The following CNTNAP2 variants were observed in gnomAD, a reference collection of about 807,000 sequenced individuals.
CNTNAP2 encodes the protein contactin-associated protein-like 2.
CNTNAP2 carries 98 observed loss-of-function variants against 155.2 expected under a neutral mutation model. That is an observed-to-expected ratio of 0.63 (90% CI 0.54 to 0.75). The LOEUF (loss-of-function observed/expected upper bound fraction) is 0.75. Among genes scored for constraint, CNTNAP2 ranks in the 30% least tolerant of loss-of-function variants. The pLI, the probability that CNTNAP2 is intolerant of heterozygous loss-of-function variation, is 0.00. For synonymous variants in CNTNAP2, 651 were observed against 631.2 expected (o/e 1.03, Z -0.47); for missense variants, 1,727 against 1,688.1 (o/e 1.02, Z -0.40).
At chr7:147,116,706 C>T (rs937099413) in intron 5 of CNTNAP2, among the ~76,000 whole-genome samples, 1 of 151,470 alleles carries the variant, frequency 6.6e-6, no homozygotes, top group Non-Finnish European at 1.5e-5. Context: ...GGTGACCCTC[C>T]CCTCCCTTGG....
chr7:147,449,470 C>G (rs573823176), intron 10 of CNTNAP2, among the ~76,000 whole-genome samples: 5 of 151,938 alleles, frequency 3.3e-5, no homozygotes, highest in East Asian at 3.9e-4. Context: ...CCTGGCAAGA[C>G]GGAGCTGATC....
chr7:147,383,551 A>G (rs1433979484), intron 9 of CNTNAP2, among the ~76,000 whole-genome samples: 1 of 152,140 alleles, frequency 6.6e-6, no homozygotes, highest in Non-Finnish European at 1.5e-5. Flanking sequence ...GTTCTCACTC[A>G]TAAGTGGGAG....
chr7:148,217,199 T>C lies in CNTNAP2; in HGVS notation c.3011-89T>C, dbSNP rs1217375364. 4 of 1,282,610 alleles carry C rather than the reference T, an allele frequency of 3.1e-6. No individual in the cohort carries two copies. In the African/African-American group the frequency reaches 4.4e-5, roughly 14 times the overall value. 79.5% of individuals were successfully genotyped at this position (1,282,610 alleles called of 1,614,324 possible). On this transcript the variant is annotated intron_variant, in intron 18 of 23. Coordinates refer to ENST00000361727, the MANE Select transcript of CNTNAP2 (RefSeq NM_014141.6). The stretch of plus-strand genomic sequence containing the variant: ...AGATGCCCTTCCTGGAGCCAGTGCC[T>C]GCACTCCATGAACTGCTGGAGAGGT...
intron 1 of CNTNAP2, among the ~76,000 whole-genome samples, chr7:146,168,045 AAG>A (rs67865122): frequency 0.052 from 7,894 of 152,176 alleles, 235 homozygotes; most frequent in Middle Eastern, 0.11. Flanking sequence ...TGAAGGCTGG[AAG>A]AGTCAGCAAG....
At chr7:146,800,791 A>G (rs181442351) in intron 2 of CNTNAP2, among the ~76,000 whole-genome samples, 2 of 152,230 alleles carry the variant, frequency 1.3e-5, no homozygotes, top group East Asian at 3.9e-4. Flanking sequence ...ACTAGATATA[A>G]TCTCCCATAG....
chr7:146,334,743 G>A (rs1390073251), intron 1 of CNTNAP2, among the ~76,000 whole-genome samples: 1 of 152,100 alleles, frequency 6.6e-6, no homozygotes, highest in Non-Finnish European at 1.5e-5. Flanking sequence ...TATTTCAGTG[G>A]AAGCAATGTA....
rs191742813 is a variant in CNTNAP2, at chr7:146,816,884, G to C, written c.209-22827G>C. 1.5e-4 allele frequency among the ~76,000 whole-genome samples: 23 copies of C among 152,296 alleles called. No homozygotes were observed. In the East Asian group the frequency reaches 4.1e-3, roughly 27 times the overall value. On this transcript the variant is annotated intron_variant, in intron 2 of 23. Coordinates refer to ENST00000361727, the MANE Select transcript of CNTNAP2 (RefSeq NM_014141.6). ...GCAATAGCACTTGTCTCCTACAGCT[G>C]TTTCAAGGATTAGCTGAGTTTACCT...
chr7:146,449,629 A>T (rs1166230694), intron 1 of CNTNAP2, among the ~76,000 whole-genome samples: 1 of 152,146 alleles, frequency 6.6e-6, no homozygotes. Flanking sequence ...TAGCCCTTTG[A>T]TATCACAAAC....
intron 1 of CNTNAP2, among the ~76,000 whole-genome samples, chr7:146,644,138 T>TTG (rs1187962224): frequency 5.9e-5 from 9 of 152,210 alleles, no homozygotes; most frequent in Non-Finnish European, 1.3e-4. Flanking sequence ...CTTTTCCTAA[T>TTG]TGAATACCCT....
chr7:146,310,854 ACT>A (rs970649096), intron 1 of CNTNAP2, among the ~76,000 whole-genome samples: 2 of 152,044 alleles, frequency 1.3e-5, no homozygotes, highest in Non-Finnish European at 2.9e-5. Flanking sequence ...GTATTATAAA[ACT>A]CTATTTTACT....
chr7:146,405,549 A>C (rs1795779071), intron 1 of CNTNAP2, among the ~76,000 whole-genome samples: 1 of 152,234 alleles, frequency 6.6e-6, no homozygotes, highest in South Asian at 2.1e-4. Context: ...CTAATATTAC[A>C]CGTAGGTATT....
At chr7:146,649,891 G>A (rs147086729) in intron 1 of CNTNAP2, among the ~76,000 whole-genome samples, 6 of 151,830 alleles carry the variant, frequency 4.0e-5, no homozygotes, top group African/African-American at 7.3e-5. Context: ...ACGTTTATGC[G>A]GCCAATAAAC....
chr7:148,412,883 A>C (rs1799874029), intron 23 of CNTNAP2, among the ~76,000 whole-genome samples: 1 of 152,184 alleles, frequency 6.6e-6, no homozygotes, highest in African/African-American at 2.4e-5. Context: ...GTTTACTGAA[A>C]GCTGTTTGAT....
At chr7:146,263,444 T>C (rs1799950588) in intron 1 of CNTNAP2, among the ~76,000 whole-genome samples, 1 of 152,198 alleles carries the variant, frequency 6.6e-6, no homozygotes, top group African/African-American at 2.4e-5. Context: ...TGGAGAAATA[T>C]GAAAGAAAAT....
Position 148,185,210 on chromosome 7 carries a change from T to A in CNTNAP2, c.3010+12732T>A, listed in dbSNP as rs907118433. Among the ~76,000 whole-genome samples, 6 of 152,322 alleles carry A rather than the reference T, an allele frequency of 3.9e-5. 1 individual carries two copies. In the Middle Eastern group the frequency reaches 0.02, roughly 518 times the overall value. On this transcript the variant is annotated intron_variant, in intron 18 of 23. Coordinates refer to ENST00000361727, the MANE Select transcript of CNTNAP2 (RefSeq NM_014141.6). ...ACTTTAGACCTCAGAGTTATACTAG[T>A]TCATGACAGGCAGTACTGTATTCAT...
intron 12 of CNTNAP2, among the ~76,000 whole-genome samples, chr7:147,610,784 G>A (rs1274781176): frequency 2.6e-5 from 4 of 152,158 alleles, no homozygotes; most frequent in Non-Finnish European, 5.9e-5. Context: ...TGTTGCCTGG[G>A]CTGGAGTGCA....
intron 9 of CNTNAP2, among the ~76,000 whole-genome samples, chr7:147,368,258 G>T (rs1469166762): frequency 6.6e-6 from 1 of 151,892 alleles, no homozygotes; most frequent in Non-Finnish European, 1.5e-5. Flanking sequence ...GTCTGTGACA[G>T]GTTCAGGGTC....
intron 10 of CNTNAP2, among the ~76,000 whole-genome samples, chr7:147,416,357 T>G (rs1393476155): frequency 2.0e-5 from 3 of 152,176 alleles, no homozygotes; most frequent in Non-Finnish European, 4.4e-5. Context: ...AACCACAATC[T>G]TGGTGGCTGT....
chr7:147,403,560 G>C (rs1796954174), intron 10 of CNTNAP2, among the ~76,000 whole-genome samples: 1 of 152,144 alleles, frequency 6.6e-6, no homozygotes, highest in Non-Finnish European at 1.5e-5. Flanking sequence ...GACGAAGGGA[G>C]GGTGATTGAT....
Sources: allele counts gnomAD v4.1 joint callset (sites outside exome capture counted in the v4.1 genomes callset), GRCh38; gene constraint gnomAD v4.1.1; transcripts MANE v1.5; gene names NCBI Gene and HGNC (gene_info 2026-07-23, HGNC 2026-07-21).